Variants in PDE10A observed in about 807,000 individuals in gnomAD.
The protein encoded by PDE10A is cAMP and cAMP-inhibited cGMP 3',5'-cyclic phosphodiesterase 10A.
Under a neutral mutation model 97.7 loss-of-function variants are expected in PDE10A, and 39 were observed. That is an observed-to-expected ratio of 0.40 (90% CI 0.31 to 0.52). The LOEUF (loss-of-function observed/expected upper bound fraction) is 0.52, where lower values mean the gene tolerates loss of function less well. Among genes scored for constraint, PDE10A ranks in the 20% least tolerant of loss-of-function variants. The probability of loss-of-function intolerance (pLI) is 0.56; values close to 1 mark genes in which losing one functional copy is unlikely to be tolerated. For missense variants in PDE10A, 731 were observed against 1,047.8 expected (o/e 0.70, Z 4.17); for synonymous variants, 371 against 376.8 (o/e 0.98, Z 0.18).
intron 1 of PDE10A, chr6:165,949,988 CA>C (rs1783901578): frequency 6.6e-6 from 1 of 152,066 alleles, no homozygotes; most frequent in South Asian, 2.1e-4. Context: ...TGAGGAGGAA[CA>C]AGAATGTTGA....
intron 1 of PDE10A, among the ~76,000 whole-genome samples, chr6:165,932,752 A>G (rs965273076): frequency 3.3e-5 from 5 of 152,240 alleles, no homozygotes; most frequent in Non-Finnish European, 7.3e-5. Context: ...GATTACAGGC[A>G]TGAGCCACCA....
At chr6:165,522,396 C>A (rs1782181907) in intron 2 of PDE10A, among the ~76,000 whole-genome samples, 1 of 152,096 alleles carries the variant, frequency 6.6e-6, no homozygotes, top group Non-Finnish European at 1.5e-5. Context: ...ATGGAAAAAT[C>A]CTCAACAAAA....
chr6:165,887,813 C>T (rs1019202661), intron 1 of PDE10A, among the ~76,000 whole-genome samples: 6 of 152,228 alleles, frequency 3.9e-5, no homozygotes, highest in Admixed American at 6.5e-5. Flanking sequence ...CTACATTCAG[C>T]CCTTTACAAT....
chr6:165,468,252 T>A (rs1054228576), intron 3 of PDE10A, among the ~76,000 whole-genome samples: 4 of 151,630 alleles, frequency 2.6e-5, no homozygotes, highest in Non-Finnish European at 4.4e-5. Context: ...CTAATTTTTT[T>A]TTATTTTTTT....
At chr6:165,352,494 A>G (rs2128187315) in intron 18 of PDE10A, among the ~76,000 whole-genome samples, 1 of 152,312 alleles carries the variant, frequency 6.6e-6, no homozygotes. Flanking sequence ...TATTAGCTAT[A>G]AAGTTTCAAG....
At chr6:165,467,422 TC>T (rs926721173) in intron 3 of PDE10A, among the ~76,000 whole-genome samples, 1 of 152,170 alleles carries the variant, frequency 6.6e-6, no homozygotes, top group African/African-American at 2.4e-5. Context: ...AACAGGTGAC[TC>T]CCTTATTAGT....
intron 1 of PDE10A, among the ~76,000 whole-genome samples, chr6:165,731,526 T>C (rs1792437189): frequency 6.6e-6 from 1 of 152,146 alleles, no homozygotes; most frequent in Admixed American, 6.5e-5. Context: ...TGGAGCAGAA[T>C]AGAAAGAGAA....
intron 3 of PDE10A, among the ~76,000 whole-genome samples, chr6:165,464,137 C>T (rs1261767673): frequency 6.6e-6 from 1 of 152,162 alleles, no homozygotes; most frequent in Non-Finnish European, 1.5e-5. Flanking sequence ...ATTCCTCTAG[C>T]GCTGCTGGGT....
intron 1 of PDE10A, among the ~76,000 whole-genome samples, chr6:165,580,157 A>C (rs1785534048): frequency 6.6e-6 from 1 of 152,226 alleles, no homozygotes; most frequent in Admixed American, 6.5e-5. Context: ...TGCCTGCTCA[A>C]TAGCAGGTGC....
At chr6:165,618,841 C>T (rs1168129057) in intron 1 of PDE10A, among the ~76,000 whole-genome samples, 1 of 152,216 alleles carries the variant, frequency 6.6e-6, no homozygotes, top group Non-Finnish European at 1.5e-5. Flanking sequence ...TGAGAGAGCG[C>T]ATTAAATGAA....
chr6:165,327,927 A>G lies in PDE10A; in HGVS notation c.*5098T>C, dbSNP rs1329779924. ...TTGGTCAGCAAGATTATCAACAGCA[A>G]ACTCTTAGATGCCTTAGCTACGTTA... On this transcript the variant is annotated 3_prime_UTR_variant, in exon 22 of 22. Transcript: ENST00000539869. 1 of 152,198 alleles carries G rather than the reference A, an allele frequency of 6.6e-6. No individual in the cohort carries two copies. Among genetic ancestry groups the G allele is most frequent in the Middle Eastern group, 3.2e-3 (1 of 316 alleles). 9.4% of individuals were successfully genotyped at this position (152,198 alleles called of 1,614,324 possible). A position where few individuals can be genotyped will look rare whatever the true frequency, so the allele number is the denominator to read the frequency against.
intron 2 of PDE10A, among the ~76,000 whole-genome samples, chr6:165,532,687 A>G (rs1782854886): frequency 1.3e-5 from 2 of 152,068 alleles, no homozygotes; most frequent in Non-Finnish European, 2.9e-5. Context: ...GTGAGACCCG[A>G]CCCATGACAT....
intron 2 of PDE10A, 64 bp downstream of exon 2, chr6:165,543,376 T>C (rs1783564926): frequency 7.2e-7 from 1 of 1,397,832 alleles, no homozygotes; most frequent in Non-Finnish European, 9.8e-7. Context: ...ATATATTAAA[T>C]GCTTAGTCTT....
chr6:165,772,616 C>T (rs73261211), intron 1 of PDE10A, among the ~76,000 whole-genome samples: 8,144 of 152,204 alleles, frequency 0.054, 701 homozygotes, highest in African/African-American at 0.18. Flanking sequence ...GGGGCCCTTC[C>T]GAACTCTATG....
chr6:165,500,424 G>GC (rs1780801748), intron 2 of PDE10A, among the ~76,000 whole-genome samples: 1 of 151,972 alleles, frequency 6.6e-6, no homozygotes, highest in South Asian at 2.1e-4. Context: ...CCCTGTGCTC[G>GC]CAGAGACCTG....
chr6:165,344,515 C>A (rs1276442669), intron 18 of PDE10A, among the ~76,000 whole-genome samples: 1 of 152,190 alleles, frequency 6.6e-6, no homozygotes, highest in Non-Finnish European at 1.5e-5. Flanking sequence ...TCTTCTAGGT[C>A]CACATTCTCC....
chr6:165,793,732 C>T (rs1778724904), intron 1 of PDE10A, among the ~76,000 whole-genome samples: 1 of 152,180 alleles, frequency 6.6e-6, no homozygotes, highest in Non-Finnish European at 1.5e-5. Context: ...CAGGGGCTGG[C>T]ATTGCCACTT....
intron 1 of PDE10A, among the ~76,000 whole-genome samples, chr6:165,654,625 T>G (rs1789844370): frequency 6.6e-6 from 1 of 152,074 alleles, no homozygotes; most frequent in Non-Finnish European, 1.5e-5. Context: ...AAGCTCCTTT[T>G]CTTCAGCAAA....
intron 2 of PDE10A, among the ~76,000 whole-genome samples, chr6:165,536,360 G>GA (rs986418407): frequency 2.0e-5 from 3 of 151,768 alleles, no homozygotes; most frequent in Non-Finnish European, 4.4e-5. Flanking sequence ...GAAGCTACCA[G>GA]AAAAAAACAT....
Sources: gnomAD v4.1 joint callset for allele counts (sites outside exome capture counted in the v4.1 genomes callset) on GRCh38, gnomAD v4.1.1 for gene constraint, MANE v1.5 for transcripts, NCBI Gene and HGNC (gene_info 2026-07-23, HGNC 2026-07-21) for gene names.